The following ZBED4 variants were observed in gnomAD, a reference collection of about 807,000 sequenced individuals.
ZBED4 encodes the protein zinc finger BED domain-containing protein 4.
Under a neutral mutation model 15.5 loss-of-function variants are expected in ZBED4, and 4 were observed. The ratio of observed to expected loss-of-function variants is 0.26; its 90% CI spans 0.13 to 0.59. The LOEUF (loss-of-function observed/expected upper bound fraction) is 0.59. ZBED4 is among the 20% of genes least tolerant of loss of function. ZBED4 has a pLI of 0.90. For missense variants in ZBED4, 1,323 were observed against 1,461.8 expected (o/e 0.91, Z 1.55); for synonymous variants, 692 against 608.5 (o/e 1.14, Z -2.02).
chr22:49,889,002 C>T lies in ZBED4; in HGVS notation c.*1824C>T, dbSNP rs2060454358. On this transcript the variant is annotated 3_prime_UTR_variant, in exon 2 of 2. Transcript: ENST00000216268. ...AAGATTGTATTTGGAATGGTAATATCCTTAGAATTTTGGGATATTGAGCTT... is the reference window on the plus strand; with the variant it reads ...AAGATTGTATTTGGAATGGTAATATTCTTAGAATTTTGGGATATTGAGCTT... 1 of 167,202 alleles carries T rather than the reference C, an allele frequency of 6.0e-6. No homozygotes were observed. The highest frequency in any genetic ancestry group is 2.1e-4 in the South Asian group (1 of 4,834). 10.4% of individuals were successfully genotyped at this position (167,202 alleles called of 1,614,324 possible).
At position 49,883,427 on chromosome 22, in the gene ZBED4, C is replaced by T. The variant is rs1004901951; in HGVS notation, c.-236C>T. ...ACGTCTCTGCTGCACACATTGTTGT[C>T]TACACCATGAGTGTTTAGTAGCAGG... On this transcript the variant is annotated 5_prime_UTR_variant, in exon 2 of 2. Coordinates refer to ENST00000216268, the MANE Select transcript of ZBED4 (RefSeq NM_014838.3). 1 of 451,014 alleles carries T rather than the reference C, an allele frequency of 2.2e-6. No homozygotes were observed. The highest frequency in any genetic ancestry group is 1.9e-5 in the African/African-American group (1 of 51,676). 27.9% of individuals were successfully genotyped at this position (451,014 alleles called of 1,614,324 possible). A position where few individuals can be genotyped will look rare whatever the true frequency, so the allele number is the denominator to read the frequency against.
chr22:49,873,689 T>G (rs952918729), intron 1 of ZBED4, among the ~76,000 whole-genome samples: 1 of 112,434 alleles, frequency 8.9e-6, no homozygotes, highest in African/African-American at 9.4e-5. Flanking sequence ...TGCGGTGATA[T>G]GAGGTGATAT....
At chr22:49,864,809 G>A (rs1412420731) in intron 1 of ZBED4, among the ~76,000 whole-genome samples, 3 of 88,296 alleles carry the variant, frequency 3.4e-5, no homozygotes, top group Non-Finnish European at 4.0e-5. Flanking sequence ...GCCAGAGTGA[G>A]ACCCTGTCTC....
Position 49,885,441 on chromosome 22 carries a change from T to C in ZBED4, c.1779T>C (p.Thr593=), listed in dbSNP as rs368462627. 1.1e-4 allele frequency: 176 copies of C among 1,610,334 alleles called. No homozygotes were observed. The highest frequency in any genetic ancestry group is 1.4e-4 in the Non-Finnish European group (161 of 1,176,852). Residue 593 remains threonine (T), a synonymous_variant, in exon 2 of 2, where the codon ACT becomes ACC. Coordinates refer to ENST00000216268, the MANE Select transcript of ZBED4 (RefSeq NM_014838.3). ...CCATCAGCCGGGGGAAGAAGCCGAC[T>C]AACTTGGGTACCAGCTGTCTTCTGA... ...GRTISRGKKP[T]NLGTSCLLRH...
chr22:49,882,804 G>T (rs1480559191), intron 1 of ZBED4, among the ~76,000 whole-genome samples: 3 of 152,232 alleles, frequency 2.0e-5, no homozygotes, highest in Non-Finnish European at 4.4e-5. Flanking sequence ...GCTGGAAGCG[G>T]TTTTCACCCA....
Position 49,886,410 on chromosome 22 carries a change from T to C in ZBED4, c.2748T>C (p.Cys916=), listed in dbSNP as rs746792688. 1 of 1,603,292 alleles carries C rather than the reference T, an allele frequency of 6.2e-7. No homozygotes were observed. Among genetic ancestry groups the C allele is most frequent in the African/African-American group, 1.3e-5 (1 of 74,854 alleles). The change falls in exon 2 of 2, where the codon TGT becomes TGC. Residue 916 remains cysteine, a synonymous_variant. Coordinates refer to ENST00000216268, the MANE Select transcript of ZBED4 (RefSeq NM_014838.3). The surrounding 1 kb of genome is among the most constrained non-coding windows in gnomAD (Gnocchi z 7.7). ...KRAINEMSVE[C]NFRELISCDQ... ...CCATTAACGAGATGTCCGTCGAGTGTAACTTCCGAGAGCTGATCAGCTGCG... is the reference window on the plus strand; with the variant it reads ...CCATTAACGAGATGTCCGTCGAGTGCAACTTCCGAGAGCTGATCAGCTGCG...
rs778072205 is a variant in ZBED4, at chr22:49,886,831, G to C, written c.3169G>C (p.Asp1057His). 6.8e-6 allele frequency: 11 copies of C among 1,613,812 alleles called. No individual in the cohort carries two copies. Among genetic ancestry groups the C allele is most frequent in the Non-Finnish European group, 9.3e-6 (11 of 1,179,998 alleles). Reference sequence around the variant, plus strand: ...GTGTGATGCTGGCTCCCCGTCGAAAGACTCTGCCGCAGAGGAGAACCTGTG... The same window carrying C: ...GTGTGATGCTGGCTCCCCGTCGAAACACTCTGCCGCAGAGGAGAACCTGTG... Reference protein sequence around the residue: ...HRCDAGSPSKDSAAEENLWSL... With the variant: ...HRCDAGSPSKHSAAEENLWSL... Residue 1057 changes from aspartate (D) to histidine (H), a missense_variant, in exon 2 of 2, where the codon GAC becomes CAC. Asp to His is a moderately conservative substitution (Grantham distance 81). Coordinates refer to ENST00000216268, the MANE Select transcript of ZBED4 (RefSeq NM_014838.3). The surrounding 1 kb of genome is among the most constrained non-coding windows in gnomAD (Gnocchi z 7.7).
In ZBED4 at chr22:49,884,124, C is replaced by T. The variant is rs767956723; in HGVS notation, c.462C>T (p.Thr154=). The change falls in exon 2 of 2, where the codon ACC becomes ACT. Residue 154 remains threonine, a synonymous_variant. Coordinates refer to ENST00000216268, the MANE Select transcript of ZBED4 (RefSeq NM_014838.3). ...GCAAAAACGAGAAAGACTTGAGTACCAGTTGTCTCATGAGGCACGTGAGGC... is the reference window on the plus strand; with the variant it reads ...GCAAAAACGAGAAAGACTTGAGTACTAGTTGTCTCATGAGGCACGTGAGGC... ...SRGKNEKDLS[T]SCLMRHVRRA... 2 of 1,613,724 alleles carry T rather than the reference C, an allele frequency of 1.2e-6. No homozygotes were observed. The highest frequency in any genetic ancestry group is 1.7e-6 in the Non-Finnish European group (2 of 1,179,882).
Position 49,884,280 on chromosome 22 carries a change from C to T in ZBED4, c.618C>T (p.Ile206=). 1 of 1,612,050 alleles carries T rather than the reference C, an allele frequency of 6.2e-7. No individual in the cohort carries two copies. Among genetic ancestry groups the T allele is most frequent in the Non-Finnish European group, 8.5e-7 (1 of 1,178,880 alleles). The part of the protein sequence containing the change: ...AGDLSTILSP[I]KLVQKVASKI... The stretch of plus-strand genomic sequence containing the variant: ...ACCTCAGCACCATCCTCTCACCCAT[C>T]AAACTTGTCCAGAAAGTGGCGTCTA... The change falls in exon 2 of 2, where the codon ATC becomes ATT. Residue 206 remains isoleucine, a synonymous_variant. Transcript: ENST00000216268.
rs778885980 is a variant in ZBED4, at chr22:49,884,688, G to C, written c.1026G>C (p.Glu342Asp). Residue 342 changes from glutamate to aspartate, a missense_variant, in exon 2 of 2, where the codon GAG (glutamate) becomes GAC (aspartate). Physicochemically the swap from Glu to Asp is conservative, Grantham distance 45. This residue lies in a region of ZBED4 where 429 missense variants were observed against 397.9 expected (regional missense o/e 1.08). Coordinates refer to ENST00000216268, the MANE Select transcript of ZBED4 (RefSeq NM_014838.3). ...WRAHRAIVLQENGGTGIPPLY... is the reference protein window; with the variant it reads ...WRAHRAIVLQDNGGTGIPPLY... ...CACACCGCGCCATCGTGTTGCAGGA[G>C]AACGGGGGCACGGGCATCCCGCCAC... The C allele has an allele frequency of 1.1e-5, 18 of 1,603,588 alleles. No homozygotes were observed. In the South Asian group the frequency reaches 1.8e-4, roughly 16 times the overall value.
At position 49,887,737 on chromosome 22, in the gene ZBED4, G is replaced by T. The variant is rs1031703406; in HGVS notation, c.*559G>T. ...ATTCTGGAAGGTAACTGTTTACTAC[G>T]ACAGAGACGTGGCATTTGGAAACGA... On this transcript the variant is annotated 3_prime_UTR_variant, in exon 2 of 2. Transcript: ENST00000216268. The T allele has an allele frequency of 6.0e-6, 1 of 167,264 alleles. No homozygotes were observed. Among genetic ancestry groups the T allele is most frequent in the Non-Finnish European group, 1.5e-5 (1 of 68,156 alleles). 10.4% of individuals were successfully genotyped at this position (167,264 alleles called of 1,614,324 possible). A position where few individuals can be genotyped will look rare whatever the true frequency, so the allele number is the denominator to read the frequency against.
chr22:49,857,952 C>T lies in ZBED4; in HGVS notation c.-330+3963C>T, dbSNP rs542805843. 2.0e-5 allele frequency among the ~76,000 whole-genome samples: 3 copies of T among 151,082 alleles called. No individual in the cohort carries two copies. In the East Asian group the frequency reaches 5.9e-4, roughly 30 times the overall value. Reference sequence around the variant, plus strand: ...TTTTTTTTTGCATTTTTAGTAGAGACGGGGTTTCACCATGTTGGCCAGGGT... The same window carrying T: ...TTTTTTTTTGCATTTTTAGTAGAGATGGGGTTTCACCATGTTGGCCAGGGT... On this transcript the variant is annotated intron_variant, in intron 1 of 1. Coordinates refer to ENST00000216268, the MANE Select transcript of ZBED4 (RefSeq NM_014838.3).
chr22:49,859,679 G>A (rs2060288873), intron 1 of ZBED4, among the ~76,000 whole-genome samples: 1 of 152,172 alleles, frequency 6.6e-6, no homozygotes, highest in Non-Finnish European at 1.5e-5. Context: ...TTAAAACATT[G>A]TGAGTTCAGT....
At chr22:49,870,237 G>A (rs571303768) in intron 1 of ZBED4, among the ~76,000 whole-genome samples, 120 of 152,276 alleles carry the variant, frequency 7.9e-4, no homozygotes, top group Admixed American at 1.8e-3. Context: ...TGCTAGGCAC[G>A]TAGGTTGATT....
In ZBED4 at chr22:49,885,455, G is replaced by A; in HGVS notation, c.1793G>A (p.Ser598Asn). The A allele has an allele frequency of 2.5e-6, 4 of 1,611,918 alleles. No homozygotes were observed. Among genetic ancestry groups the A allele is most frequent in the Non-Finnish European group, 3.4e-6 (4 of 1,178,076 alleles). Reference protein sequence around the residue: ...RGKKPTNLGTSCLLRHLQRFH... With the variant: ...RGKKPTNLGTNCLLRHLQRFH... ...AAGAAGCCGACTAACTTGGGTACCA[G>A]CTGTCTTCTGAGACATTTACAGCGG... The change falls in exon 2 of 2, where the codon AGC becomes AAC. Residue 598 changes from serine to asparagine, a missense_variant. Physicochemically the swap from Ser to Asn is conservative, Grantham distance 46 (BLOSUM62 1). This residue lies in a region of ZBED4 where 429 missense variants were observed against 397.9 expected (regional missense o/e 1.08). Coordinates refer to ENST00000216268, the MANE Select transcript of ZBED4 (RefSeq NM_014838.3).
At chr22:49,870,857 G>A (rs1385850813) in intron 1 of ZBED4, among the ~76,000 whole-genome samples, 2 of 151,438 alleles carry the variant, frequency 1.3e-5, no homozygotes, top group Non-Finnish European at 2.9e-5. Context: ...TTTTGTTTCT[G>A]TTACAATCCA....
intron 1 of ZBED4, among the ~76,000 whole-genome samples, chr22:49,864,018 G>A (rs2180403): frequency 1.3e-5 from 2 of 152,170 alleles, no homozygotes; most frequent in Non-Finnish European, 2.9e-5. Context: ...GTATTTTTCC[G>A]GCTCCAGACC....
intron 1 of ZBED4, among the ~76,000 whole-genome samples, chr22:49,864,906 C>CTTGA (rs1165813921): frequency 7.1e-6 from 1 of 140,396 alleles, no homozygotes; most frequent in African/African-American, 3.0e-5. Context: ...TCAGATGCTC[C>CTTGA]TTGATTGACC....
In ZBED4 at chr22:49,884,190, G is replaced by T. The variant is rs377741840; in HGVS notation, c.528G>T (p.Val176=). ...PTVLIQENGS[V]SAVSSFPSPS... ...TGCTCATTCAGGAAAATGGCAGTGTGTCTGCCGTGTCCTCGTTCCCCTCTC... is the reference window on the plus strand; with the variant it reads ...TGCTCATTCAGGAAAATGGCAGTGTTTCTGCCGTGTCCTCGTTCCCCTCTC... Residue 176 remains valine, a synonymous_variant, in exon 2 of 2, where the codon GTG becomes GTT. Coordinates refer to ENST00000216268, the MANE Select transcript of ZBED4 (RefSeq NM_014838.3). The T allele has an allele frequency of 6.2e-7, 1 of 1,608,970 alleles. No homozygotes were observed. The highest frequency in any genetic ancestry group is 8.5e-7 in the Non-Finnish European group (1 of 1,176,908).
Sources: allele counts gnomAD v4.1 joint callset (sites outside exome capture counted in the v4.1 genomes callset), GRCh38; gene constraint gnomAD v4.1.1; regional missense constraint gnomAD v4.1.1; non-coding constraint Gnocchi (gnomAD v3.1); transcripts MANE v1.5; gene names NCBI Gene and HGNC (gene_info 2026-07-23, HGNC 2026-07-21).